Variants in CCDC83 observed in about 807,000 individuals in gnomAD.
The protein encoded by CCDC83 is coiled-coil domain-containing protein 83.
Under a neutral mutation model 50.1 loss-of-function variants are expected in CCDC83, and 54 were observed. The ratio of observed to expected loss-of-function variants is 1.08; its 90% CI spans 0.87 to 1.35. The LOEUF (loss-of-function observed/expected upper bound fraction) is 1.35. CCDC83 is among the 40% of genes most tolerant of loss of function. The pLI is 0.00. For synonymous variants in CCDC83, 161 were observed against 153.3 expected, an observed-to-expected ratio of 1.05 and a Z score of -0.37; for missense variants, 518 against 473.9, an observed-to-expected ratio of 1.09 and a Z score of -0.86.
intron 7 of CCDC83, among the ~76,000 whole-genome samples, chr11:85,910,398 A>G (rs764842380): frequency 2.0e-5 from 3 of 152,246 alleles, no homozygotes; most frequent in Non-Finnish European, 4.4e-5. Context: ...TGGACAAACA[A>G]TATTTCATCT....
At chr11:85,907,480 G>A (rs2093430913) in intron 7 of CCDC83, among the ~76,000 whole-genome samples, 1 of 152,160 alleles carries the variant, frequency 6.6e-6, no homozygotes, top group Non-Finnish European at 1.5e-5. Flanking sequence ...GGATCTTTCA[G>A]GAGAAAATTT....
intron 1 of CCDC83, among the ~76,000 whole-genome samples, chr11:85,861,108 C>T (rs535351595): frequency 6.8e-4 from 103 of 152,292 alleles, no homozygotes; most frequent in Non-Finnish European, 1.1e-3. Context: ...TACAACATCT[C>T]TTTTTGAATT....
At chr11:85,865,289 G>A in intron 2 of CCDC83, 71 bp downstream of exon 2, 1 of 925,266 alleles carries the variant, frequency 1.1e-6, no homozygotes. Flanking sequence ...TCATATAACT[G>A]CAAATGCAAA....
intron 3 of CCDC83, among the ~76,000 whole-genome samples, chr11:85,874,969 G>A (rs2093260641): frequency 6.6e-6 from 1 of 152,202 alleles, no homozygotes; most frequent in Admixed American, 6.5e-5. Context: ...CTGGGTTCTT[G>A]ACTCACAACC....
chr11:85,910,056 G>A (rs564664093), intron 7 of CCDC83, among the ~76,000 whole-genome samples: 1 of 152,220 alleles, frequency 6.6e-6, no homozygotes, highest in East Asian at 1.9e-4. Flanking sequence ...CTTTGCACAT[G>A]TGGTTTCTTC....
At chr11:85,879,206 G>A (rs1455752554) in intron 3 of CCDC83, among the ~76,000 whole-genome samples, 1 of 152,076 alleles carries the variant, frequency 6.6e-6, no homozygotes, top group Non-Finnish European at 1.5e-5. Context: ...TCTTTGCCTA[G>A]CCCTAAATCT....
At chr11:85,883,553 T>C (rs1285896965) in intron 4 of CCDC83, among the ~76,000 whole-genome samples, 2 of 152,158 alleles carry the variant, frequency 1.3e-5, no homozygotes, top group Non-Finnish European at 2.9e-5. Context: ...GGAAATACCA[T>C]GGTACTGAGG....
chr11:85,917,464 C>T (rs554476151), intron 10 of CCDC83, among the ~76,000 whole-genome samples: 1 of 152,132 alleles, frequency 6.6e-6, no homozygotes, highest in Non-Finnish European at 1.5e-5. Context: ...AAGAGAAGCA[C>T]TTGGGATAGG....
intron 7 of CCDC83, among the ~76,000 whole-genome samples, chr11:85,906,727 T>G (rs936463739): frequency 2.0e-5 from 3 of 150,742 alleles, no homozygotes; most frequent in Non-Finnish European, 4.4e-5. Flanking sequence ...AAAAAAAAAT[T>G]TTTTTAAAGT....
chr11:85,859,616 A>G (rs2093163634), intron 1 of CCDC83, among the ~76,000 whole-genome samples: 1 of 152,252 alleles, frequency 6.6e-6, no homozygotes, highest in Non-Finnish European at 1.5e-5. Context: ...CTGGCTAGCC[A>G]TATGTGGAAG....
chr11:85,858,485 C>T (rs891180021), intron 1 of CCDC83, among the ~76,000 whole-genome samples: 1 of 152,168 alleles, frequency 6.6e-6, no homozygotes, highest in Admixed American at 6.5e-5. Flanking sequence ...TGTCAGTGTC[C>T]CCTATTGACT....
chr11:85,887,557 T>A (rs2093332909), intron 5 of CCDC83, among the ~76,000 whole-genome samples: 1 of 152,144 alleles, frequency 6.6e-6, no homozygotes, highest in African/African-American at 2.4e-5. Context: ...GTTCTTCTTC[T>A]GAAAAGAGAA....
intron 1 of CCDC83, among the ~76,000 whole-genome samples, chr11:85,864,082 G>A (rs1037592502): frequency 6.6e-6 from 1 of 152,128 alleles, no homozygotes; most frequent in South Asian, 2.1e-4. Flanking sequence ...ATGGATCTAG[G>A]ATTAAAGCCC....
chr11:85,886,372 G>T lies in CCDC83; in HGVS notation c.511+5G>T. On this transcript the variant is annotated splice_donor_5th_base_variant and intron_variant, in intron 5 of 10. Coordinates refer to ENST00000342404, the MANE Select transcript of CCDC83 (RefSeq NM_001286159.2). ...AGAATGCAGAGAAAATGTCAGGTCA[G>T]TTGCAACAAAACTAGTTCAAGTTCA... 1 of 1,574,824 alleles carries T rather than the reference G, an allele frequency of 6.3e-7. No homozygotes were observed. Among genetic ancestry groups the T allele is most frequent in the African/African-American group, 1.4e-5 (1 of 73,466 alleles).
intron 8 of CCDC83, among the ~76,000 whole-genome samples, 163 bp from the exon 9 acceptor site, chr11:85,915,256 A>C (rs974480491): frequency 1.3e-5 from 2 of 152,218 alleles, no homozygotes; most frequent in African/African-American, 4.8e-5. Context: ...AAAATACCGT[A>C]AGGCTGTCTG....
At chr11:85,900,260 C>A (rs2093395007) in intron 7 of CCDC83, among the ~76,000 whole-genome samples, 1 of 152,170 alleles carries the variant, frequency 6.6e-6, no homozygotes, top group South Asian at 2.1e-4. Flanking sequence ...TCTACAATTT[C>A]CCTCACATAC....
chr11:85,875,002 A>C (rs1285011264), intron 3 of CCDC83, among the ~76,000 whole-genome samples: 1 of 152,198 alleles, frequency 6.6e-6, no homozygotes, highest in Non-Finnish European at 1.5e-5. Context: ...GCATGCAGAC[A>C]TGCGAAGAGT....
At chr11:85,873,376 T>C in intron 3 of CCDC83, 81 bp downstream of exon 3, 1 of 527,750 alleles carries the variant, frequency 1.9e-6, no homozygotes, top group Non-Finnish European at 3.3e-6. Flanking sequence ...TATGGTGAAA[T>C]ATACTCTAGG....
intron 1 of CCDC83, among the ~76,000 whole-genome samples, chr11:85,861,559 A>G (rs2093176260): frequency 6.6e-6 from 1 of 152,208 alleles, no homozygotes; most frequent in Admixed American, 6.5e-5. Context: ...TTTAATCTAC[A>G]TTGTATGTAA....
Sources: gnomAD v4.1 joint callset for allele counts (sites outside exome capture counted in the v4.1 genomes callset) on GRCh38, gnomAD v4.1.1 for gene constraint, MANE v1.5 for transcripts, NCBI Gene and HGNC (gene_info 2026-07-23, HGNC 2026-07-21) for gene names.